The following SENP1 variants were observed in gnomAD, a reference collection of about 807,000 sequenced individuals.
The protein encoded by SENP1 is SUMO specific peptidase 1, also known as sentrin-specific protease 1.
SENP1 carries 21 observed loss-of-function variants against 93.0 expected under a neutral mutation model. That is an observed-to-expected ratio of 0.23 (90% CI 0.16 to 0.33). The LOEUF is 0.33. SENP1 is among the 10% of genes least tolerant of loss of function. The pLI is 1.00. For missense variants in SENP1, 591 were observed against 758.7 expected (o/e 0.78, Z 2.60); for synonymous variants, 256 against 259.6 (o/e 0.99, Z 0.13).
At position 48,043,153 on chromosome 12, in the gene SENP1, C is replaced by T. The variant is rs1941106106; in HGVS notation, c.*2169G>A. On this transcript the variant is annotated 3_prime_UTR_variant, in exon 18 of 18. Transcript: ENST00000549518. ...TGGTCTCAGGGTCACTAACTTCTACCTTGTGCAAAACTGCATTAGTCAGAA... is the reference window on the plus strand; with the variant it reads ...TGGTCTCAGGGTCACTAACTTCTACTTTGTGCAAAACTGCATTAGTCAGAA... The T allele has an allele frequency of 2.0e-5, 3 of 152,602 alleles. No individual in the cohort carries two copies. The highest frequency in any genetic ancestry group is 2.0e-4 in the Admixed American group (3 of 15,276). The allele number at this position is 152,602 out of a possible 1,614,324, so 9.5% of individuals were successfully genotyped here. A position where few individuals can be genotyped will look rare whatever the true frequency, so the allele number is the denominator to read the frequency against.
At chr12:48,067,255 C>T (rs541227156) in intron 9 of SENP1, among the ~76,000 whole-genome samples, 101 of 152,276 alleles carry the variant, frequency 6.6e-4, no homozygotes, top group Admixed American at 1.4e-3. Context: ...TTGCATGAGA[C>T]CAACATTACG....
At chr12:48,076,672 C>T (rs1413510826) in intron 6 of SENP1, among the ~76,000 whole-genome samples, 1 of 148,930 alleles carries the variant, frequency 6.7e-6, no homozygotes, top group African/African-American at 2.5e-5. Context: ...GAGACGGAGT[C>T]TCACTCTGTC....
intron 8 of SENP1, 50 bp downstream of exon 8, chr12:48,074,274 G>A: frequency 5.6e-6 from 8 of 1,439,606 alleles, no homozygotes; most frequent in Non-Finnish European, 7.7e-6. Context: ...CTAATGAACA[G>A]TTAATTGGCT....
intron 4 of SENP1, chr12:48,089,390 G>T: frequency 8.4e-7 from 1 of 1,189,478 alleles, no homozygotes; most frequent in Non-Finnish European, 1.1e-6. Flanking sequence ...TAAGCAGCTA[G>T]TGTCACTTTC....
At chr12:48,046,215 A>C in intron 17 of SENP1, 141 bp downstream of exon 17, 1 of 596,910 alleles carries the variant, frequency 1.7e-6, no homozygotes, top group Admixed American at 2.7e-5. Context: ...GGTAGTAACC[A>C]TCAGTGTTAT....
chr12:48,071,529 T>A, intron 9 of SENP1, 138 bp downstream of exon 9: 1 of 550,474 alleles, frequency 1.8e-6, no homozygotes, highest in Non-Finnish European at 3.3e-6. Flanking sequence ...GGCAGAAGAA[T>A]TGCTTGAACC....
chr12:48,085,899 A>G (rs1944827586), intron 5 of SENP1, among the ~76,000 whole-genome samples: 1 of 152,138 alleles, frequency 6.6e-6, no homozygotes, highest in Non-Finnish European at 1.5e-5. Flanking sequence ...TTCCCAGAGT[A>G]TGCGTGCGCC....
chr12:48,071,354 G>A (rs939867849), intron 9 of SENP1, among the ~76,000 whole-genome samples: 22 of 134,990 alleles, frequency 1.6e-4, no homozygotes, highest in African/African-American at 5.5e-4. Context: ...GGTGGCTCAC[G>A]CCTGTAATCC....
intron 6 of SENP1, among the ~76,000 whole-genome samples, chr12:48,079,122 C>A (rs1227528835): frequency 6.6e-6 from 1 of 151,918 alleles, no homozygotes; most frequent in African/African-American, 2.4e-5. Context: ...TGCATTCCAG[C>A]CTGGGTGACA....
At chr12:48,101,558 C>T (rs1280041878) in intron 1 of SENP1, 42 bp from the exon 2 acceptor site, 4 of 1,003,624 alleles carry the variant, frequency 4.0e-6, no homozygotes, top group Admixed American at 4.4e-5. Context: ...CATACTGAAA[C>T]ACCTACTTCA....
At chr12:48,098,402 T>C (rs958692957) in intron 2 of SENP1, among the ~76,000 whole-genome samples, 1 of 151,886 alleles carries the variant, frequency 6.6e-6, no homozygotes, top group Non-Finnish European at 1.5e-5. Context: ...CCCAGCACTT[T>C]GGGAGGTTGA....
intron 10 of SENP1, 37 bp downstream of exon 10, chr12:48,066,890 T>G (rs1379507492): frequency 6.9e-7 from 1 of 1,457,390 alleles, no homozygotes; most frequent in East Asian, 2.4e-5. Flanking sequence ...AAAAATGAAC[T>G]GATTGAGAAG....
intron 6 of SENP1, among the ~76,000 whole-genome samples, chr12:48,076,401 T>C (rs1944084724): frequency 6.6e-6 from 1 of 152,166 alleles, no homozygotes; most frequent in South Asian, 2.1e-4. Context: ...ATCGGCTCAC[T>C]GCAACCTCCA....
intron 4 of SENP1, among the ~76,000 whole-genome samples, chr12:48,095,311 C>T (rs1397969332): frequency 6.6e-6 from 1 of 152,036 alleles, no homozygotes; most frequent in Non-Finnish European, 1.5e-5. Flanking sequence ...GGGAGCCAGG[C>T]GGATCACTTG....
chr12:48,104,272 GGC>G (rs1181030696), intron 1 of SENP1, among the ~76,000 whole-genome samples: 27 of 50,226 alleles, frequency 5.4e-4, no homozygotes, highest in Admixed American at 9.0e-4. Context: ...GGGGGGGGGG[GGC>G]GGAGGGAGGG....
chr12:48,103,005 C>T (rs1202196721), intron 1 of SENP1, among the ~76,000 whole-genome samples: 1 of 152,082 alleles, frequency 6.6e-6, no homozygotes, highest in East Asian at 1.9e-4. Flanking sequence ...CCCCTTCTTT[C>T]TTCTTTAATA....
In SENP1 at chr12:48,044,827, T is replaced by C. The variant is rs186546667; in HGVS notation, c.*495A>G. 98 of 157,158 alleles carry C rather than the reference T, an allele frequency of 6.2e-4. No homozygotes were observed. The East Asian group carries it at 0.013, about 22-fold the overall frequency. The allele number at this position is 157,158 out of a possible 1,614,324, so 9.7% of individuals were successfully genotyped here. ...CAGTTTACAGTCACATTCCTGACCA[T>C]ACATCGTGAAAATTGTGTGTGTGTG... On this transcript the variant is annotated 3_prime_UTR_variant, in exon 18 of 18. Coordinates refer to ENST00000549518, the MANE Select transcript of SENP1 (RefSeq NM_001267594.2).
intron 9 of SENP1, among the ~76,000 whole-genome samples, chr12:48,068,496 G>A (rs1054942067): frequency 2.0e-5 from 3 of 151,982 alleles, no homozygotes; most frequent in African/African-American, 7.3e-5. Context: ...GAAAAAGGAG[G>A]TTCAAAAAGA....
At chr12:48,064,514 A>G (rs1442277904) in intron 12 of SENP1, among the ~76,000 whole-genome samples, 1 of 152,244 alleles carries the variant, frequency 6.6e-6, no homozygotes, top group Non-Finnish European at 1.5e-5. Flanking sequence ...ACATGACATG[A>G]AAGACAAATG....
Sources: gnomAD v4.1 joint callset for allele counts (sites outside exome capture counted in the v4.1 genomes callset) on GRCh38, gnomAD v4.1.1 for gene constraint, MANE v1.5 for transcripts, NCBI Gene and HGNC (gene_info 2026-07-23, HGNC 2026-07-21) for gene names.